Variants in PALLD observed in about 807,000 individuals in gnomAD.
The protein encoded by PALLD is palladin.
In PALLD, 61 loss-of-function variants were observed where a neutral mutation model predicts 123.5. That is an observed-to-expected ratio of 0.49 (90% confidence interval 0.40 to 0.61). The LOEUF (loss-of-function observed/expected upper bound fraction) is 0.61. Among genes scored for constraint, PALLD ranks in the 20% least tolerant of loss-of-function variants. The probability of loss-of-function intolerance (pLI) is 0.00; values close to 1 mark genes in which losing one functional copy is unlikely to be tolerated. For synonymous variants in PALLD, 465 were observed against 496.4 expected, an observed-to-expected ratio of 0.94 and a Z score of 0.84; for missense variants, 1,273 against 1,377.0, an observed-to-expected ratio of 0.92 and a Z score of 1.20.
At chr4:168,918,108 G>T (rs1274284818) in intron 17 of PALLD, among the ~76,000 whole-genome samples, 1 of 151,574 alleles carries the variant, frequency 6.6e-6, no homozygotes, top group Non-Finnish European at 1.5e-5. Context: ...CTGAGGCAGG[G>T]GAATCACTTG....
chr4:168,738,647 C>A (rs56134846), intron 10 of PALLD, among the ~76,000 whole-genome samples: 14 of 121,518 alleles, frequency 1.2e-4, no homozygotes, highest in African/African-American at 4.3e-4. Flanking sequence ...GCCAGGCTGG[C>A]CTCGATCTCC....
At chr4:168,607,777 T>G (rs999687823) in intron 2 of PALLD, among the ~76,000 whole-genome samples, 1 of 149,816 alleles carries the variant, frequency 6.7e-6, no homozygotes, top group African/African-American at 2.4e-5. Context: ...AAAAAAAAAA[T>G]TGGCTGCAAG....
At chr4:168,571,186 C>A (rs1417362386) in intron 2 of PALLD, among the ~76,000 whole-genome samples, 1 of 152,182 alleles carries the variant, frequency 6.6e-6, no homozygotes, top group Non-Finnish European at 1.5e-5. Flanking sequence ...CTCCCAGAAG[C>A]TTTCCAGAGT....
rs772370182 is a variant in PALLD, at chr4:168,927,298, G to A, written c.*1118G>A. On this transcript the variant is annotated 3_prime_UTR_variant, in exon 22 of 22. Coordinates refer to ENST00000505667, the MANE Select transcript of PALLD (RefSeq NM_001166108.2). ...AGAAGGCACAGGAGAGGTAGCAAAG[G>A]CCAGGCTTTTCTTTGGTTTTCTTCA... The A allele has an allele frequency of 3.9e-5, 9 of 231,430 alleles. No individual in the cohort carries two copies. Among genetic ancestry groups the A allele is most frequent in the East Asian group, 6.1e-5 (1 of 16,354 alleles). The allele number at this position is 231,430 out of a possible 1,614,324, so 14.3% of individuals were successfully genotyped here. A position where few individuals can be genotyped will look rare whatever the true frequency, so the allele number is the denominator to read the frequency against.
At chr4:168,829,120 A>G (rs2150836158) in intron 10 of PALLD, 1 of 152,370 alleles carries the variant, frequency 6.6e-6, no homozygotes, top group East Asian at 1.9e-4. Flanking sequence ...GATGGCCAAG[A>G]TGTATCCACA....
chr4:168,925,413 C>T, intron 21 of PALLD, 135 bp downstream of exon 21: 2 of 743,230 alleles, frequency 2.7e-6, no homozygotes, highest in Middle Eastern at 2.4e-4. Flanking sequence ...ATGTTTTTCA[C>T]ATGTTCTTGT....
chr4:168,883,497 A>G (rs1560851970), intron 10 of PALLD, among the ~76,000 whole-genome samples: 1 of 152,206 alleles, frequency 6.6e-6, no homozygotes, highest in African/African-American at 2.4e-5. Context: ...CTGGTACCTT[A>G]TCTCTTTAAT....
At chr4:168,743,350 T>C (rs1788550242) in intron 10 of PALLD, among the ~76,000 whole-genome samples, 1 of 152,158 alleles carries the variant, frequency 6.6e-6, no homozygotes, top group African/African-American at 2.4e-5. Flanking sequence ...TCAATCATGG[T>C]TTAATCCCCA....
At chr4:168,563,941 C>A (rs970547544) in intron 2 of PALLD, among the ~76,000 whole-genome samples, 1 of 152,126 alleles carries the variant, frequency 6.6e-6, no homozygotes, top group Non-Finnish European at 1.5e-5. Flanking sequence ...TAAGTCAGAG[C>A]TTTTAGGGTA....
intron 10 of PALLD, chr4:168,712,185 TC>T (rs1784896759): frequency 1.8e-6 from 1 of 548,570 alleles, no homozygotes; most frequent in Non-Finnish European, 3.3e-6. Context: ...AGTGTGGGCT[TC>T]CAACATACAG....
At chr4:168,899,250 T>C (rs530756500) in intron 14 of PALLD, among the ~76,000 whole-genome samples, 2 of 152,316 alleles carry the variant, frequency 1.3e-5, no homozygotes, top group East Asian at 3.9e-4. Context: ...TAGGATGACC[T>C]GGATGGGAGC....
chr4:168,906,951 GA>G (rs1757936007), intron 15 of PALLD, among the ~76,000 whole-genome samples: 1 of 152,154 alleles, frequency 6.6e-6, no homozygotes, highest in African/African-American at 2.4e-5. Context: ...CGATGATACT[GA>G]AAAAACCTAG....
chr4:168,759,202 A>AAAAAAAAAATATAT (rs1554077926), intron 10 of PALLD, among the ~76,000 whole-genome samples: 2 of 22,306 alleles, frequency 9.0e-5, no homozygotes, highest in African/African-American at 2.9e-4. Context: ...AAAAAAAAAA[A>AAAAAAAAAATATAT]ATATATATAT....
At chr4:168,875,796 A>C (rs928125112) in intron 10 of PALLD, among the ~76,000 whole-genome samples, 6 of 152,194 alleles carry the variant, frequency 3.9e-5, no homozygotes, top group African/African-American at 1.4e-4. Context: ...GAAGTTGAGA[A>C]CCAATATAGT....
rs869276874 is a variant in PALLD, at chr4:168,793,337, A to ATGTGTGCATATATATACATATATG, written c.1964+81419_1964+81442dup. ...TATGTGTGCATATATATACATATAT[A>ATGTGTGCATATATATACATATATG]TGTGTGCATATATATACATATATGT... is the stretch of plus-strand genomic sequence containing the variant. On this transcript the variant is annotated intron_variant, in intron 10 of 21. Transcript: ENST00000505667. Among the ~76,000 whole-genome samples, 23 of 75,086 alleles carry ATGTGTGCATATATATACATATATG rather than the reference A, an allele frequency of 3.1e-4. 5 individuals carry two copies. The highest frequency in any genetic ancestry group is 6.0e-4 in the Admixed American group (5 of 8,290). 49.3% of individuals were successfully genotyped at this position (75,086 alleles called of 152,430 possible). A position where few individuals can be genotyped will look rare whatever the true frequency, so the allele number is the denominator to read the frequency against.
intron 10 of PALLD, among the ~76,000 whole-genome samples, chr4:168,852,769 G>A (rs1384645838): frequency 6.6e-6 from 1 of 152,158 alleles, no homozygotes; most frequent in Non-Finnish European, 1.5e-5. Context: ...GATTTATTCT[G>A]CTTTGTGGGC....
intron 10 of PALLD, among the ~76,000 whole-genome samples, chr4:168,749,021 C>T (rs1730681591): frequency 1.3e-5 from 2 of 152,158 alleles, no homozygotes; most frequent in African/African-American, 4.8e-5. Context: ...ATGTAATCCC[C>T]AGTGTTGGAG....
intron 2 of PALLD, among the ~76,000 whole-genome samples, chr4:168,536,325 CCT>C (rs1030529007): frequency 5.3e-5 from 8 of 152,146 alleles, no homozygotes; most frequent in African/African-American, 1.9e-4. Context: ...CAAGGTTTTC[CCT>C]CTGTTTAGGA....
At position 168,780,790 on chromosome 4, in the gene PALLD, C is replaced by T. The variant is rs549745229; in HGVS notation, c.1964+68867C>T. On this transcript the variant is annotated intron_variant, in intron 10 of 21. Coordinates refer to ENST00000505667, the MANE Select transcript of PALLD (RefSeq NM_001166108.2). ...GCAGCCTCTGCCTCCCAGGTTCTAG[C>T]GATTCTCCTGCCTCAGCCTCCCGAG... Among the ~76,000 whole-genome samples, 9 of 152,240 alleles carry T rather than the reference C, an allele frequency of 5.9e-5. No homozygotes were observed. In the South Asian group the frequency reaches 1.2e-3, roughly 21 times the overall value.
Sources: gnomAD v4.1 joint callset for allele counts (sites outside exome capture counted in the v4.1 genomes callset) on GRCh38, gnomAD v4.1.1 for gene constraint, MANE v1.5 for transcripts, NCBI Gene and HGNC (gene_info 2026-07-23, HGNC 2026-07-21) for gene names.